PDE3B: variants seen among roughly 807,000 people sequenced by gnomAD.
PDE3B encodes the protein cGMP-inhibited 3',5'-cyclic phosphodiesterase 3B.
PDE3B carries 66 observed loss-of-function variants against 116.8 expected under a neutral mutation model. That is an observed-to-expected ratio of 0.56 (90% CI 0.46 to 0.69). The LOEUF is 0.69. Among genes scored for constraint, PDE3B ranks in the 30% least tolerant of loss-of-function variants. PDE3B has a pLI of 0.00. For synonymous variants in PDE3B, 595 were observed against 533.6 expected (o/e 1.12, Z -1.59); for missense variants, 1,384 against 1,368.1 (o/e 1.01, Z -0.18).
chr11:14,714,814 A>G (rs1480601227), intron 1 of PDE3B, among the ~76,000 whole-genome samples: 3 of 152,202 alleles, frequency 2.0e-5, no homozygotes, highest in Non-Finnish European at 2.9e-5. Context: ...AAATTGTAAC[A>G]TATAGCTAGT....
At chr11:14,722,516 G>T (rs760146534) in intron 1 of PDE3B, among the ~76,000 whole-genome samples, 1 of 152,192 alleles carries the variant, frequency 6.6e-6, no homozygotes, top group Non-Finnish European at 1.5e-5. Flanking sequence ...TGTAAGATTT[G>T]TTGAGTAGTA....
At chr11:14,778,834 GAGA>G (rs1316015027) in intron 2 of PDE3B, among the ~76,000 whole-genome samples, 1 of 152,210 alleles carries the variant, frequency 6.6e-6, no homozygotes, top group Non-Finnish European at 1.5e-5. Flanking sequence ...GACGAGTTGA[GAGA>G]AGAAGGCTTC....
intron 14 of PDE3B, among the ~76,000 whole-genome samples, chr11:14,865,937 A>G (rs545951437): frequency 1.6e-4 from 25 of 152,324 alleles, no homozygotes; most frequent in African/African-American, 5.1e-4. Context: ...TTTTAAAAGC[A>G]TATAGAATTA....
intron 14 of PDE3B, among the ~76,000 whole-genome samples, chr11:14,865,125 G>C (rs1485502310): frequency 6.6e-6 from 1 of 151,990 alleles, no homozygotes; most frequent in African/African-American, 2.4e-5. Flanking sequence ...GAATCAAATA[G>C]ACACAATAAA....
chr11:14,791,244 AG>A (rs1388736182), intron 4 of PDE3B, among the ~76,000 whole-genome samples: 1 of 152,114 alleles, frequency 6.6e-6, no homozygotes, highest in Admixed American at 6.6e-5. Flanking sequence ...TTTATATTAT[AG>A]TACTCCAGAA....
intron 4 of PDE3B, among the ~76,000 whole-genome samples, chr11:14,796,480 C>T (rs1858557506): frequency 6.6e-6 from 1 of 152,204 alleles, no homozygotes; most frequent in Non-Finnish European, 1.5e-5. Flanking sequence ...AATTTACACT[C>T]ACCAACAGTG....
chr11:14,856,425 T>TA (rs1475154323), intron 12 of PDE3B, among the ~76,000 whole-genome samples: 6 of 152,150 alleles, frequency 3.9e-5, no homozygotes, highest in East Asian at 3.8e-4. Context: ...CTTTACCCTA[T>TA]AAAAAAACAA....
rs1308862082 is a variant in PDE3B, at chr11:14,834,888, T to G, written c.2207-94T>G. 4 of 555,816 alleles carry G rather than the reference T, an allele frequency of 7.2e-6. No individual in the cohort carries two copies. In the Admixed American group the frequency reaches 1.4e-4, roughly 19 times the overall value. The allele number at this position is 555,816 out of a possible 1,614,324, so 34.4% of individuals were successfully genotyped here. A position where few individuals can be genotyped will look rare whatever the true frequency, so the allele number is the denominator to read the frequency against. Reference sequence around the variant, plus strand: ...AATTGTGGGGAATTAGTCTGTCACATCTTTTTTATGAGGATATAGTATGAC... The same window carrying G: ...AATTGTGGGGAATTAGTCTGTCACAGCTTTTTTATGAGGATATAGTATGAC... On this transcript the variant is annotated intron_variant, in intron 10 of 15. Transcript: ENST00000282096.
chr11:14,649,912 G>A (rs1853522362), intron 1 of PDE3B, among the ~76,000 whole-genome samples: 1 of 152,124 alleles, frequency 6.6e-6, no homozygotes, highest in Admixed American at 6.5e-5. Context: ...GGAAGAACTG[G>A]GTTCTGTCTG....
In PDE3B at chr11:14,645,973, C is replaced by G. The variant is rs544323586; in HGVS notation, c.978+920C>G. ...GGTGTTTGGCTGGTGCCATTAACCT[C>G]TAGAGATGAGAAATCTAGGCATATA... On this transcript the variant is annotated intron_variant, in intron 1 of 15. Transcript: ENST00000282096. Among the ~76,000 whole-genome samples the G allele has an allele frequency of 5.4e-4, 82 of 152,274 alleles. 1 individual carries two copies. Among genetic ancestry groups the G allele is most frequent in the African/African-American group, 1.9e-3 (80 of 41,556 alleles).
At chr11:14,849,721 A>G (rs1847700405) in intron 12 of PDE3B, among the ~76,000 whole-genome samples, 1 of 152,234 alleles carries the variant, frequency 6.6e-6, no homozygotes, top group African/African-American at 2.4e-5. Flanking sequence ...TATGCAGCCA[A>G]AAAACACGTG....
In PDE3B at chr11:14,713,695, TACACACAC is replaced by T. The variant is rs68083046; in HGVS notation, c.979-58217_979-58210del. 8.5e-3 allele frequency among the ~76,000 whole-genome samples: 1,276 copies of T among 149,866 alleles called. 12 individuals are homozygous for T. Among genetic ancestry groups the T allele is most frequent in the African/African-American group, 0.026 (1,070 of 40,772 alleles). On this transcript the variant is annotated intron_variant, in intron 1 of 15. Coordinates refer to ENST00000282096, the MANE Select transcript of PDE3B (RefSeq NM_000922.4). ...CTACTTCCTTATAATAAAAAATCTT[TACACACAC>T]ACACACACACACACACACACACACT...
intron 1 of PDE3B, among the ~76,000 whole-genome samples, chr11:14,651,007 T>G (rs959428317): frequency 1.3e-5 from 2 of 151,966 alleles, no homozygotes; most frequent in African/African-American, 4.8e-5. Context: ...CATACTAGTT[T>G]GCTAGGGCTG....
chr11:14,799,889 A>G (rs910020677), intron 4 of PDE3B, among the ~76,000 whole-genome samples: 4 of 151,214 alleles, frequency 2.6e-5, no homozygotes, highest in Non-Finnish European at 5.9e-5. Context: ...TGACTATCCA[A>G]TTTGTCAGTC....
intron 1 of PDE3B, among the ~76,000 whole-genome samples, chr11:14,712,373 C>G (rs1055321925): frequency 5.9e-5 from 9 of 152,026 alleles, no homozygotes; most frequent in African/African-American, 2.2e-4. Context: ...GAGTGAGCCA[C>G]CACGCCCAAT....
chr11:14,781,702 T>A (rs1362890862), intron 2 of PDE3B, among the ~76,000 whole-genome samples: 1 of 152,174 alleles, frequency 6.6e-6, no homozygotes, highest in Admixed American at 6.5e-5. Flanking sequence ...ACAGCCAATA[T>A]CATACTGAAT....
intron 7 of PDE3B, among the ~76,000 whole-genome samples, chr11:14,826,086 C>A (rs1188340155): frequency 6.6e-6 from 1 of 152,098 alleles, no homozygotes; most frequent in Non-Finnish European, 1.5e-5. Flanking sequence ...AACAAAGATA[C>A]AACCTACAAA....
rs1859859043 is a variant in PDE3B at position 14,830,798 on chromosome 11, A to G, written c.1908A>G (p.Glu636=). 1 of 1,539,910 alleles carries G rather than the reference A, an allele frequency of 6.5e-7. No homozygotes were observed. The highest frequency in any genetic ancestry group is 8.7e-7 in the Non-Finnish European group (1 of 1,149,144). The change falls in exon 8 of 16, where the codon GAA becomes GAG. Residue 636 remains glutamate, a synonymous_variant. Coordinates refer to ENST00000282096, the MANE Select transcript of PDE3B (RefSeq NM_000922.4). ...EKKDSRKLFQ[E]GDKWLTEEAQ... ...AAGACAGCAGAAAATTATTTCAGGAAGGTGATAAGTGGCTAACAGAAGAGG... is the reference window on the plus strand; with the variant it reads ...AAGACAGCAGAAAATTATTTCAGGAGGGTGATAAGTGGCTAACAGAAGAGG...
At chr11:14,739,796 A>G (rs1160128192) in intron 1 of PDE3B, among the ~76,000 whole-genome samples, 1 of 152,150 alleles carries the variant, frequency 6.6e-6, no homozygotes, top group African/African-American at 2.4e-5. Flanking sequence ...TAGCTCATTG[A>G]GAGTTTTTAG....
Sources: gnomAD v4.1 joint callset for allele counts (sites outside exome capture counted in the v4.1 genomes callset) on GRCh38, gnomAD v4.1.1 for gene constraint, MANE v1.5 for transcripts, NCBI Gene and HGNC (gene_info 2026-07-23, HGNC 2026-07-21) for gene names.